The following MPHOSPH8 variants were observed in gnomAD, a reference collection of about 807,000 sequenced individuals.
MPHOSPH8 encodes M-phase phosphoprotein, mpp.
Under a neutral mutation model 87.3 loss-of-function variants are expected in MPHOSPH8, and 45 were observed. The ratio of observed to expected loss-of-function variants is 0.52; its 90% CI spans 0.41 to 0.66. The LOEUF is 0.66. MPHOSPH8 is among the 30% of genes least tolerant of loss of function. The probability of loss-of-function intolerance (pLI) is 0.00; values close to 1 mark genes in which losing one functional copy is unlikely to be tolerated. For synonymous variants in MPHOSPH8, 366 were observed against 376.9 expected (o/e 0.97, Z 0.33); for missense variants, 883 against 1,020.2 (o/e 0.87, Z 1.83).
chr13:19,651,430 G>A (rs1224380403), intron 5 of MPHOSPH8, among the ~76,000 whole-genome samples: 2 of 152,038 alleles, frequency 1.3e-5, no homozygotes, highest in Non-Finnish European at 2.9e-5. Context: ...AGGAGGCTGA[G>A]GCAGGAGAAT....
chr13:19,637,366 T>C (rs1216004504), intron 1 of MPHOSPH8, among the ~76,000 whole-genome samples: 5 of 152,248 alleles, frequency 3.3e-5, no homozygotes, highest in Non-Finnish European at 7.3e-5. Context: ...GACTCTCATA[T>C]ACCTTCACCC....
At chr13:19,671,064 T>TCCG (rs1387234132) in intron 12 of MPHOSPH8, 142 bp from the exon 13 acceptor site, 1 of 1,447,244 alleles carries the variant, frequency 6.9e-7, no homozygotes, top group Middle Eastern at 2.5e-4. Context: ...CAAGCGATTG[T>TCCG]CCGCCTTGGC....
rs375781348 is a variant in MPHOSPH8 at position 19,652,296 on chromosome 13, C to T, written c.1576+2036C>T. Among the ~76,000 whole-genome samples, 87 of 152,258 alleles carry T rather than the reference C, an allele frequency of 5.7e-4. 1 individual carries two copies. The highest frequency in any genetic ancestry group is 1.9e-3 in the African/African-American group (81 of 41,558). ...CACGGAGGGTGAGCCAAAGCAGGGTCGGGCGTTGCCTCACCTGGGAAATGC... is the reference window on the plus strand; with the variant it reads ...CACGGAGGGTGAGCCAAAGCAGGGTTGGGCGTTGCCTCACCTGGGAAATGC... On this transcript the variant is annotated intron_variant, in intron 5 of 13. Coordinates refer to ENST00000361479, the MANE Select transcript of MPHOSPH8 (RefSeq NM_017520.4).
At position 19,642,401 on chromosome 13, in the gene MPHOSPH8, G is replaced by A. The variant is rs569999716; in HGVS notation, c.369+131G>A. On this transcript the variant is annotated intron_variant, in intron 2 of 13. Coordinates refer to ENST00000361479, the MANE Select transcript of MPHOSPH8 (RefSeq NM_017520.4). ...TATTCTTTAGTGTAAATTCCATGTA[G>A]CCAATTCTCACAGACTGCTTTCAGT... The A allele has an allele frequency of 5.2e-6, 4 of 774,076 alleles. No homozygotes were observed. The South Asian group carries it at 9.6e-5, about 19-fold the overall frequency. 48.0% of individuals were successfully genotyped at this position (774,076 alleles called of 1,614,324 possible).
rs1343078423 is a variant in MPHOSPH8, at chr13:19,650,267, T to C, written c.1576+7T>C. On this transcript the variant is annotated splice_region_variant and intron_variant, in intron 5 of 13. Transcript: ENST00000361479. ...CAAGCAGATGAGAATTCAGGTGAGT[T>C]TGGAATCATTTTGCAGAATTTTTCA... 16 of 1,608,456 alleles carry C rather than the reference T, an allele frequency of 9.9e-6. No homozygotes were observed. Among genetic ancestry groups the C allele is most frequent in the Non-Finnish European group, 1.2e-5 (14 of 1,176,892 alleles).
At chr13:19,658,269 T>G (rs1298758566) in intron 5 of MPHOSPH8, among the ~76,000 whole-genome samples, 1 of 152,224 alleles carries the variant, frequency 6.6e-6, no homozygotes, top group Non-Finnish European at 1.5e-5. Context: ...GGAACTGGTT[T>G]CAGGTGAAAA....
chr13:19,640,935 T>C (rs1399326552), intron 1 of MPHOSPH8, among the ~76,000 whole-genome samples: 1 of 152,176 alleles, frequency 6.6e-6, no homozygotes, highest in Non-Finnish European at 1.5e-5. Context: ...AATTATAGTA[T>C]TATCCTAATG....
intron 13 of MPHOSPH8, among the ~76,000 whole-genome samples, 199 bp from the exon 14 acceptor site, chr13:19,671,635 T>A (rs1876133729): frequency 6.6e-6 from 1 of 152,188 alleles, no homozygotes; most frequent in Admixed American, 6.5e-5. Context: ...GTCTCTCTAA[T>A]AAAACAGTAA....
At position 19,670,308 on chromosome 13, in the gene MPHOSPH8, C is replaced by T. The variant is rs747635612; in HGVS notation, c.2402C>T (p.Pro801Leu). ...GAAGTTATTGCTCGGCTCTGTGGAC[C>T]GTGTAGTGTACAAGCTGTAGTTCTG... Reference protein sequence around the residue: ...GKEVIARLCGPCSVQAVVLND... With the variant: ...GKEVIARLCGLCSVQAVVLND... The change falls in exon 12 of 14, where the codon CCG becomes CTG. Residue 801 changes from proline (P) to leucine (L), a missense_variant. Physicochemically the swap from Pro to Leu is moderately conservative, Grantham distance 98. Transcript: ENST00000361479. The T allele has an allele frequency of 3.1e-6, 5 of 1,613,944 alleles. No individual in the cohort carries two copies. The highest frequency in any genetic ancestry group is 3.4e-6 in the Non-Finnish European group (4 of 1,179,932).
chr13:19,667,311 G>A (rs554992697), intron 10 of MPHOSPH8, among the ~76,000 whole-genome samples: 2 of 152,210 alleles, frequency 1.3e-5, no homozygotes, highest in South Asian at 2.1e-4. Flanking sequence ...CCCGACTGTC[G>A]AGATCCCAGT....
At chr13:19,661,952 T>A in intron 8 of MPHOSPH8, 114 bp downstream of exon 8, 3 of 1,359,036 alleles carry the variant, frequency 2.2e-6, no homozygotes, top group Non-Finnish European at 2.9e-6. Context: ...TCGCTTTTTT[T>A]TTTTTTTTAG....
chr13:19,646,386 C>T, intron 2 of MPHOSPH8, 57 bp from the exon 3 acceptor site: 2 of 1,303,202 alleles, frequency 1.5e-6, no homozygotes, highest in Non-Finnish European at 2.0e-6. Context: ...TACTACTTTT[C>T]AAAACCTTTA....
chr13:19,671,346 T>C, intron 13 of MPHOSPH8, 57 bp downstream of exon 13: 4 of 1,484,336 alleles, frequency 2.7e-6, no homozygotes, highest in Non-Finnish European at 3.7e-6. Flanking sequence ...TCCAGATTAC[T>C]TTATCAACAT....
Position 19,633,709 on chromosome 13 carries a change from T to G in MPHOSPH8, c.-40T>G, listed in dbSNP as rs192369699. 4.4e-3 allele frequency: 6,905 copies of G among 1,553,782 alleles called. 28 individuals are homozygous for G. Among genetic ancestry groups the G allele is most frequent in the Middle Eastern group, 0.011 (48 of 4,472 alleles). ...ACGCGAGGGGCTGCTGGGGTGTTTG[T>G]CGCAGCGGGTTTTCCTCGGCGGTTT... On this transcript the variant is annotated 5_prime_UTR_variant, in exon 1 of 14. Coordinates refer to ENST00000361479, the MANE Select transcript of MPHOSPH8 (RefSeq NM_017520.4).
chr13:19,670,893 C>A, intron 12 of MPHOSPH8: 1 of 1,024,890 alleles, frequency 9.8e-7, no homozygotes, highest in Non-Finnish European at 1.4e-6. Flanking sequence ...GATTACAGCT[C>A]ACTGGAGTCT....
rs779448685 is a variant in MPHOSPH8 at position 19,633,872 on chromosome 13, G to T, written c.124G>T (p.Ala42Ser). The T allele has an allele frequency of 1.9e-5, 31 of 1,611,270 alleles. No individual in the cohort carries two copies. The highest frequency in any genetic ancestry group is 2.3e-5 in the Non-Finnish European group (27 of 1,179,112). Residue 42 changes from alanine to serine, a missense_variant, in exon 1 of 14, where the codon GCG becomes TCG. Coordinates refer to ENST00000361479, the MANE Select transcript of MPHOSPH8 (RefSeq NM_017520.4). ...AGTGGGCGAAGATAATGACGCAGCC[G>T]CGAGAGGAGCGGAGGCCTTTGGCGA... ...GVVGEDNDAA[A>S]RGAEAFGDSE...
chr13:19,660,904 A>G, intron 7 of MPHOSPH8: 1 of 984,748 alleles, frequency 1.0e-6, no homozygotes. Flanking sequence ...TTCACTGTTC[A>G]TTTTGTATGG....
chr13:19,664,968 A>AGGAG (rs1360196273), intron 9 of MPHOSPH8, among the ~76,000 whole-genome samples: 1 of 152,066 alleles, frequency 6.6e-6, no homozygotes, highest in African/African-American at 2.4e-5. Flanking sequence ...GCAGAGGAGG[A>AGGAG]GGAGGAAGTG....
rs1876017532 is a variant in MPHOSPH8, at chr13:19,669,749, A to T, written c.2330-487A>T. 2.0e-5 allele frequency among the ~76,000 whole-genome samples: 3 copies of T among 151,788 alleles called. No individual in the cohort carries two copies. The South Asian group carries it at 6.3e-4, about 32-fold the overall frequency. The stretch of plus-strand genomic sequence containing the variant: ...GATCTTGAACTCCTGGCCTCAAGTG[A>T]TCTGCCTGCCTCTGCCTCCCAAAGT... On this transcript the variant is annotated intron_variant, in intron 11 of 13. Coordinates refer to ENST00000361479, the MANE Select transcript of MPHOSPH8 (RefSeq NM_017520.4).
Sources: gnomAD v4.1 joint callset for allele counts (sites outside exome capture counted in the v4.1 genomes callset) on GRCh38, gnomAD v4.1.1 for gene constraint, MANE v1.5 for transcripts, NCBI Gene and HGNC (gene_info 2026-07-23, HGNC 2026-07-21) for gene names.